Variants in GREM2 observed in about 807,000 individuals in gnomAD.
GREM2 encodes gremlin 2, DAN family BMP antagonist, also known as gremlin-2.
Under a neutral mutation model 14.2 loss-of-function variants are expected in GREM2, and 11 were observed. That is an observed-to-expected ratio of 0.78 (90% CI 0.49 to 1.28). The LOEUF (loss-of-function observed/expected upper bound fraction) is 1.28, where lower values mean the gene tolerates loss of function less well. Ranked by LOEUF, GREM2 falls within the 50% of genes most tolerant of loss-of-function variation. The pLI, the probability that GREM2 is intolerant of heterozygous loss-of-function variation, is 0.00. For synonymous variants in GREM2, 98 were observed against 97.6 expected, an observed-to-expected ratio of 1.00 and a Z score of -0.02; for missense variants, 210 against 218.5, an observed-to-expected ratio of 0.96 and a Z score of 0.24.
At chr1:240,518,130 T>C (rs1677990704) in intron 1 of GREM2, among the ~76,000 whole-genome samples, 1 of 152,196 alleles carries the variant, frequency 6.6e-6, no homozygotes, top group African/African-American at 2.4e-5. Context: ...TTGTCATTGA[T>C]GTCACTTTTA....
At chr1:240,591,532 C>A (rs1024518566) in intron 1 of GREM2, among the ~76,000 whole-genome samples, 1 of 152,164 alleles carries the variant, frequency 6.6e-6, no homozygotes, top group Non-Finnish European at 1.5e-5. Context: ...TCGACGCTCA[C>A]GTTTTGGCGG....
intron 1 of GREM2, among the ~76,000 whole-genome samples, chr1:240,515,057 G>A (rs2103295945): frequency 6.6e-6 from 1 of 152,344 alleles, no homozygotes; most frequent in Middle Eastern, 3.4e-3. Context: ...ATAGGAAAGA[G>A]GTGAGGATGT....
chr1:240,607,593 A>G (rs1680053118), intron 1 of GREM2, among the ~76,000 whole-genome samples: 1 of 152,204 alleles, frequency 6.6e-6, no homozygotes, highest in Admixed American at 6.5e-5. Context: ...AGGCCAGGGG[A>G]TGGTGCCTCC....
chr1:240,588,408 G>A (rs377541149), intron 1 of GREM2: 1 of 152,304 alleles, frequency 6.6e-6, no homozygotes, highest in South Asian at 2.1e-4. Context: ...TAGTCAGTTC[G>A]ACAGCAGAGC....
chr1:240,565,102 T>A (rs903782818), intron 1 of GREM2, among the ~76,000 whole-genome samples: 2 of 152,352 alleles, frequency 1.3e-5, no homozygotes, highest in East Asian at 3.9e-4. Context: ...TTTGTGTCTC[T>A]GGTATTTACC....
intron 1 of GREM2, among the ~76,000 whole-genome samples, chr1:240,586,146 A>T (rs1039702937): frequency 1.2e-4 from 19 of 152,196 alleles, no homozygotes; most frequent in African/African-American, 4.6e-4. Flanking sequence ...GCCTCAACAT[A>T]AGATTAAGAC....
intron 1 of GREM2, among the ~76,000 whole-genome samples, chr1:240,579,555 G>A (rs528051807): frequency 3.3e-5 from 5 of 152,258 alleles, no homozygotes; most frequent in Non-Finnish European, 4.4e-5. Flanking sequence ...TGTGCAATAC[G>A]CTGTGATAGG....
intron 1 of GREM2, among the ~76,000 whole-genome samples, chr1:240,594,726 A>G (rs1442786695): frequency 1.3e-5 from 2 of 151,840 alleles, no homozygotes; most frequent in Admixed American, 1.3e-4. Flanking sequence ...ATTTATATAT[A>G]TGTATATATA....
At chr1:240,520,743 A>G (rs1678066299) in intron 1 of GREM2, among the ~76,000 whole-genome samples, 1 of 151,892 alleles carries the variant, frequency 6.6e-6, no homozygotes, top group Non-Finnish European at 1.5e-5. Context: ...AGATTTCACC[A>G]TGTTGCCCAG....
chr1:240,567,890 CT>C (rs1679197508), intron 1 of GREM2, among the ~76,000 whole-genome samples: 1 of 152,182 alleles, frequency 6.6e-6, no homozygotes, highest in African/African-American at 2.4e-5. Flanking sequence ...AGGCAGATCA[CT>C]TGAGGCCAGG....
intron 1 of GREM2, among the ~76,000 whole-genome samples, chr1:240,508,008 G>C (rs1210953580): frequency 6.6e-6 from 1 of 152,192 alleles, no homozygotes; most frequent in African/African-American, 2.4e-5. Context: ...ACATCATCCT[G>C]AAAAGCTAAA....
chr1:240,599,089 C>T lies in GREM2; in HGVS notation c.-2+12795G>A, dbSNP rs186735705. Among the ~76,000 whole-genome samples the T allele has an allele frequency of 5.4e-3, 817 of 151,860 alleles. 3 individuals carry two copies. The highest frequency in any genetic ancestry group is 0.017 in the Middle Eastern group (5 of 294). On this transcript the variant is annotated intron_variant, in intron 1 of 1. Transcript: ENST00000318160. ...TTTGAGGCCAGCCTGGCTAACATGG[C>T]GAAACCCGATATCTACTAAAAACAC...
intron 1 of GREM2, among the ~76,000 whole-genome samples, 191 bp downstream of exon 1, chr1:240,611,693 A>C (rs1229769160): frequency 6.6e-6 from 1 of 152,208 alleles, no homozygotes; most frequent in East Asian, 1.9e-4. Flanking sequence ...TCAATAGGTG[A>C]ATAAACCTTG....
At chr1:240,520,089 A>AAATAAAATAAAATAAAAT (rs1678048526) in intron 1 of GREM2, among the ~76,000 whole-genome samples, 2 of 151,542 alleles carry the variant, frequency 1.3e-5, no homozygotes. Context: ...CCAAAAAATA[A>AAATAAAATAAAATAAAAT]AATAAAATAA....
At chr1:240,500,508 T>C (rs1382697547) in intron 1 of GREM2, among the ~76,000 whole-genome samples, 1 of 152,118 alleles carries the variant, frequency 6.6e-6, no homozygotes, top group Admixed American at 6.5e-5. Context: ...TTTCACCGTG[T>C]TGGCCAGGCT....
chr1:240,550,107 C>A (rs1678815976), intron 1 of GREM2: 1 of 152,198 alleles, frequency 6.6e-6, no homozygotes, highest in Non-Finnish European at 1.5e-5. Flanking sequence ...CCACAATCTC[C>A]CGCCTCCCGG....
chr1:240,536,223 T>C (rs749672717), intron 1 of GREM2, among the ~76,000 whole-genome samples: 1 of 152,186 alleles, frequency 6.6e-6, no homozygotes, highest in Non-Finnish European at 1.5e-5. Flanking sequence ...TGGGATATAT[T>C]TAAATATATT....
intron 1 of GREM2, among the ~76,000 whole-genome samples, chr1:240,533,369 T>A (rs1290080910): frequency 1.3e-5 from 2 of 152,150 alleles, no homozygotes; most frequent in African/African-American, 4.8e-5. Flanking sequence ...TGAAAGTAGG[T>A]CTCTGTAGCT....
chr1:240,556,385 AT>A (rs1376996118), intron 1 of GREM2, among the ~76,000 whole-genome samples: 1 of 152,220 alleles, frequency 6.6e-6, no homozygotes, highest in East Asian at 1.9e-4. Flanking sequence ...AAAGAGCCAA[AT>A]TAGATCACTC....
Sources: allele counts gnomAD v4.1 joint callset (sites outside exome capture counted in the v4.1 genomes callset), GRCh38; gene constraint gnomAD v4.1.1; transcripts MANE v1.5; gene names NCBI Gene and HGNC (gene_info 2026-07-23, HGNC 2026-07-21).